CD99L2: variants seen among roughly 807,000 people sequenced by gnomAD.
CD99L2 encodes CD99 molecule like 2.
Under a neutral mutation model 27.3 loss-of-function variants are expected in CD99L2, and 24 were observed. The ratio of observed to expected loss-of-function variants is 0.88; its 90% CI spans 0.64 to 1.24. The LOEUF is 1.24. CD99L2 is among the 50% of genes most tolerant of loss of function. The pLI, the probability that CD99L2 is intolerant of heterozygous loss-of-function variation, is 0.00. For synonymous variants in CD99L2, 97 were observed against 87.9 expected (o/e 1.10, Z -0.58); for missense variants, 255 against 221.6 (o/e 1.15, Z -0.96).
At chrX:150,873,249 G>C (rs2047183337) in intron 1 of CD99L2, among the ~76,000 whole-genome samples, 1 of 112,162 alleles carries the variant, frequency 8.9e-6, no homozygotes, top group Non-Finnish European at 1.9e-5. Context: ...AAGACGCATT[G>C]ATCCATGCTA....
At chrX:150,863,269 C>A (rs782062639) in intron 1 of CD99L2, among the ~76,000 whole-genome samples, 1 of 112,241 alleles carries the variant, frequency 8.9e-6, no homozygotes, top group East Asian at 2.8e-4. Context: ...AGGAAAACAT[C>A]TTTTGGTCAC....
chrX:150,880,400 G>A (rs1431516437), intron 1 of CD99L2, among the ~76,000 whole-genome samples: 3 of 112,010 alleles, frequency 2.7e-5, no homozygotes, highest in Admixed American at 9.5e-5. Context: ...ATGCTACAAC[G>A]TGGATGGACC....
rs781985478 is a variant in CD99L2, at chrX:150,898,642, G to A, written c.-54C>T. 4 of 1,029,502 alleles carry A rather than the reference G, an allele frequency of 3.9e-6. No homozygotes were observed. Among genetic ancestry groups the A allele is most frequent in the African/African-American group, 2.0e-5 (1 of 49,379 alleles). The allele number at this position is 1,029,502 out of a possible 1,213,427, so 84.8% of individuals were successfully genotyped here. ...GAGCACAGTTAGCGCGAGAGCGCCC[G>A]AAGGGGAGGCCGAGGAGGAGCGGGA... is the stretch of plus-strand genomic sequence containing the variant. On this transcript the variant is annotated 5_prime_UTR_variant, in exon 1 of 11. Coordinates refer to ENST00000370377, the MANE Select transcript of CD99L2 (RefSeq NM_031462.4).
At chrX:150,845,789 T>C (rs1353950587) in intron 1 of CD99L2, among the ~76,000 whole-genome samples, 1 of 111,965 alleles carries the variant, frequency 8.9e-6, no homozygotes, top group Non-Finnish European at 1.9e-5. Context: ...CAAAGACAAA[T>C]AAGGTGCTGT....
chrX:150,781,716 ATAGCAATAGGGACCGTCACTG>A (rs1325775620), intron 7 of CD99L2, among the ~76,000 whole-genome samples: 5 of 111,927 alleles, frequency 4.5e-5, no homozygotes, highest in Admixed American at 2.8e-4. Context: ...TAGCCACACC[ATAGCAATAGGGACCGTCACTG>A]TAGCAATAGT....
intron 1 of CD99L2, among the ~76,000 whole-genome samples, chrX:150,834,537 T>A (rs2046497230): frequency 1.8e-5 from 2 of 112,131 alleles, no homozygotes; most frequent in Middle Eastern, 4.6e-3. Flanking sequence ...TGTGATGTCA[T>A]CTTACATCTG....
At position 150,893,094 on chromosome X, in the gene CD99L2, C is replaced by CA. The variant is rs1279415659; in HGVS notation, c.67+5427dup. ...AGATCGCACTATTGCACTCCCATCT[C>CA]AAAAAAAAACAAAGAAACAAACAAC... On this transcript the variant is annotated intron_variant, in intron 1 of 10. Coordinates refer to ENST00000370377, the MANE Select transcript of CD99L2 (RefSeq NM_031462.4). Among the ~76,000 whole-genome samples the CA allele has an allele frequency of 4.8e-4, 52 of 107,369 alleles. 1 individual carries two copies. Among genetic ancestry groups the CA allele is most frequent in the Admixed American group, 3.2e-3 (32 of 9,999 alleles). The allele number at this position is 107,369 out of a possible 115,157, so 93.2% of individuals were successfully genotyped here. A position where few individuals can be genotyped will look rare whatever the true frequency, so the allele number is the denominator to read the frequency against.
At chrX:150,867,592 T>C (rs1400043037) in intron 1 of CD99L2, among the ~76,000 whole-genome samples, 3 of 109,021 alleles carry the variant, frequency 2.8e-5, no homozygotes, top group African/African-American at 1.0e-4. Context: ...GGTGAAACCC[T>C]GTCTCTAATA....
intron 1 of CD99L2, among the ~76,000 whole-genome samples, chrX:150,843,190 T>A (rs2046647885): frequency 8.9e-6 from 1 of 111,934 alleles, no homozygotes. Context: ...ACCTCTCAAG[T>A]GGCCAGTTAC....
intron 7 of CD99L2, among the ~76,000 whole-genome samples, chrX:150,777,809 G>A (rs1603286211): frequency 8.9e-6 from 1 of 111,946 alleles, no homozygotes. Context: ...TGCACTAGCG[G>A]CCTCACCATA....
intron 1 of CD99L2, among the ~76,000 whole-genome samples, chrX:150,842,981 A>C (rs1557421384): frequency 8.9e-6 from 1 of 112,129 alleles, no homozygotes; most frequent in Non-Finnish European, 1.9e-5. Context: ...CATTTTGATT[A>C]CCAAAACTCT....
intron 7 of CD99L2, among the ~76,000 whole-genome samples, chrX:150,779,081 C>A (rs59355036): frequency 0.011 from 1,281 of 112,009 alleles, 18 homozygotes; most frequent in African/African-American, 0.039. Context: ...CAGAAGGAAA[C>A]TGAGTGTTCT....
chrX:150,841,982 T>C (rs1352801509), intron 1 of CD99L2, among the ~76,000 whole-genome samples: 1 of 111,818 alleles, frequency 8.9e-6, no homozygotes, highest in Non-Finnish European at 1.9e-5. Context: ...CACAGTCCTC[T>C]GTGTTAGTGA....
chrX:150,819,601 G>A (rs1557420624), intron 2 of CD99L2, among the ~76,000 whole-genome samples: 1 of 111,560 alleles, frequency 9.0e-6, no homozygotes, highest in Non-Finnish European at 1.9e-5. Context: ...CAACAAAATT[G>A]ATAAACTGTA....
At chrX:150,804,209 G>A (rs1273892110) in intron 4 of CD99L2, among the ~76,000 whole-genome samples, 4 of 112,236 alleles carry the variant, frequency 3.6e-5, no homozygotes, top group Middle Eastern at 4.2e-3. Context: ...CATATCAAGT[G>A]TCTTTTCCAC....
At chrX:150,840,194 C>A (rs181800723) in intron 1 of CD99L2, among the ~76,000 whole-genome samples, 220 of 101,387 alleles carry the variant, frequency 2.2e-3, no homozygotes, top group Non-Finnish European at 3.5e-3. Context: ...AGAGGGAGAC[C>A]CTACCTCAAA....
At chrX:150,862,312 T>C (rs1453000924) in intron 1 of CD99L2, among the ~76,000 whole-genome samples, 1 of 111,357 alleles carries the variant, frequency 9.0e-6, no homozygotes, top group African/African-American at 3.3e-5. Flanking sequence ...GATCCTGAGA[T>C]GGAGAGATTA....
chrX:150,845,162 T>A (rs782094501), intron 1 of CD99L2, among the ~76,000 whole-genome samples: 33 of 111,864 alleles, frequency 3.0e-4, no homozygotes, highest in South Asian at 1.1e-3. Flanking sequence ...AAATCCCAAA[T>A]GTGCCTCAGA....
Position 150,794,157 on chromosome X carries a change from A to C in CD99L2, c.431-401T>G, listed in dbSNP as rs2045748182. The stretch of plus-strand genomic sequence containing the variant: ...GTTCAGGCCTTCTCTGAGCTCAGAC[A>C]TGAGAAGCAACAGAGTCGGTCGGTC... On this transcript the variant is annotated intron_variant, in intron 6 of 10. Coordinates refer to ENST00000370377, the MANE Select transcript of CD99L2 (RefSeq NM_031462.4). Among the ~76,000 whole-genome samples, 4 of 111,932 alleles carry C rather than the reference A, an allele frequency of 3.6e-5. No individual in the cohort carries two copies. The South Asian group carries it at 1.5e-3, about 42-fold the overall frequency.
Sources: allele counts gnomAD v4.1 joint callset (sites outside exome capture counted in the v4.1 genomes callset), GRCh38; gene constraint gnomAD v4.1.1; transcripts MANE v1.5; gene names NCBI Gene and HGNC (gene_info 2026-07-23, HGNC 2026-07-21).